Variants in PLEKHA5 observed in about 807,000 individuals in gnomAD.
The protein encoded by PLEKHA5 is pleckstrin homology domain containing A5, also known as pleckstrin homology domain-containing family A member 5.
PLEKHA5 carries 55 observed loss-of-function variants against 181.9 expected under a neutral mutation model. The observed-to-expected ratio is 0.30, with a 90% confidence interval of 0.24 to 0.38. The LOEUF (loss-of-function observed/expected upper bound fraction) is 0.38, where lower values mean the gene tolerates loss of function less well. Ranked by LOEUF, PLEKHA5 falls within the 10% of genes least tolerant of loss-of-function variation. The pLI, the probability that PLEKHA5 is intolerant of heterozygous loss-of-function variation, is 1.00. For missense variants in PLEKHA5, 1,432 were observed against 1,549.5 expected (o/e 0.92, Z 1.27); for synonymous variants, 535 against 529.4 (o/e 1.01, Z -0.15).
chr12:19,154,544 G>A (rs536074537), intron 3 of PLEKHA5: 87 of 152,184 alleles, frequency 5.7e-4, no homozygotes, highest in African/African-American at 1.9e-3. Context: ...GAAATTATTC[G>A]GGAAAATGCC....
Position 19,257,420 on chromosome 12 carries a change from T to C in PLEKHA5, c.433-13T>C. On this transcript the variant is annotated splice_polypyrimidine_tract_variant and intron_variant, in intron 5 of 31. Coordinates refer to ENST00000429027, the MANE Select transcript of PLEKHA5 (RefSeq NM_001256470.2). ...TAATACCACATTTTCTGTCATGCTC[T>C]TTTTCTATTTAGACTTCACGAGCTT... The C allele has an allele frequency of 7.4e-7, 1 of 1,356,838 alleles. No individual in the cohort carries two copies. Among genetic ancestry groups the C allele is most frequent in the Non-Finnish European group, 1.0e-6 (1 of 959,934 alleles). The allele number at this position is 1,356,838 out of a possible 1,614,324, so 84.0% of individuals were successfully genotyped here.
intron 25 of PLEKHA5, among the ~76,000 whole-genome samples, chr12:19,349,088 T>C (rs1476017055): frequency 2.0e-4 from 15 of 75,018 alleles, no homozygotes; most frequent in Non-Finnish European, 4.6e-4. Context: ...TGGTGGTTGT[T>C]TTTGTTGTTG....
At chr12:19,370,993 T>C (rs981662632) in intron 31 of PLEKHA5, 1 of 151,004 alleles carries the variant, frequency 6.6e-6, no homozygotes, top group African/African-American at 2.4e-5. Flanking sequence ...AATATTTCTT[T>C]TATTTTCTCT....
chr12:19,309,118 A>AT (rs1333224431), intron 15 of PLEKHA5, among the ~76,000 whole-genome samples: 1 of 152,068 alleles, frequency 6.6e-6, no homozygotes, highest in Middle Eastern at 3.2e-3. Flanking sequence ...TTGTAGCAAA[A>AT]TTTTTGTGAT....
At chr12:19,306,890 G>C in intron 15 of PLEKHA5, 2 of 807,126 alleles carry the variant, frequency 2.5e-6, no homozygotes, top group Non-Finnish European at 2.1e-6. Context: ...TAAGGCTAAG[G>C]CTTGTCTCTG....
At chr12:19,373,380 CAAA>C (rs1315513654) in intron 31 of PLEKHA5, 4 of 114,550 alleles carry the variant, frequency 3.5e-5, no homozygotes, top group Non-Finnish European at 7.3e-5. Context: ...GACTTTGTCT[CAAA>C]AAAAAAAAAA....
intron 3 of PLEKHA5, among the ~76,000 whole-genome samples, chr12:19,233,671 A>T (rs1031010190): frequency 6.6e-6 from 1 of 152,214 alleles, no homozygotes; most frequent in Non-Finnish European, 1.5e-5. Flanking sequence ...GTAAAGTAAC[A>T]TAAGGGCTGA....
chr12:19,285,074 A>G (rs891514384), intron 12 of PLEKHA5, among the ~76,000 whole-genome samples: 4 of 152,220 alleles, frequency 2.6e-5, no homozygotes, highest in Non-Finnish European at 5.9e-5. Flanking sequence ...GTTAAGATTA[A>G]TAGATTAATC....
intron 23 of PLEKHA5, 21 bp from the exon 24 acceptor site, chr12:19,346,973 T>G (rs1294275985): frequency 1.3e-6 from 2 of 1,500,380 alleles, no homozygotes; most frequent in South Asian, 2.5e-5. Context: ...CTAAATAAGG[T>G]GACTGTTCTA....
At chr12:19,144,490 TC>T (rs113838544) in intron 3 of PLEKHA5, among the ~76,000 whole-genome samples, 19,530 of 152,142 alleles carry the variant, frequency 0.13, 1,991 homozygotes, top group African/African-American at 0.28. Flanking sequence ...TTATAAAACT[TC>T]TGCTTATATC....
chr12:19,163,874 T>C (rs2043598105), intron 3 of PLEKHA5, among the ~76,000 whole-genome samples: 1 of 152,104 alleles, frequency 6.6e-6, no homozygotes, highest in South Asian at 2.1e-4. Flanking sequence ...TAGAGAAAAG[T>C]TGGCTGACAA....
rs117237153 is a variant in PLEKHA5, at chr12:19,358,641, T to C, written c.3348+204T>C. On this transcript the variant is annotated intron_variant, in intron 27 of 31. Coordinates refer to ENST00000429027, the MANE Select transcript of PLEKHA5 (RefSeq NM_001256470.2). ...CAAGAGACCAGAGCTAAACTACATG[T>C]TGGATGCCCGTGGACTAGTTGTGGA... Among the ~76,000 whole-genome samples, 317 of 152,284 alleles carry C rather than the reference T, an allele frequency of 2.1e-3. 8 individuals carry two copies. The East Asian group carries it at 0.051, about 25-fold the overall frequency.
intron 3 of PLEKHA5, among the ~76,000 whole-genome samples, chr12:19,221,724 G>A (rs1222410491): frequency 6.6e-6 from 1 of 151,868 alleles, no homozygotes; most frequent in Non-Finnish European, 1.5e-5. Context: ...ACGGCATGGG[G>A]CAAAAAAGGT....
At chr12:19,257,558 T>C (rs747401209) in intron 6 of PLEKHA5, 21 bp downstream of exon 6, 2 of 1,205,974 alleles carry the variant, frequency 1.7e-6, no homozygotes, top group South Asian at 2.6e-5. Flanking sequence ...TTTTTTGATA[T>C]GAAACAAAAG....
chr12:19,332,554 G>A (rs2092951255), intron 20 of PLEKHA5, among the ~76,000 whole-genome samples: 1 of 152,082 alleles, frequency 6.6e-6, no homozygotes, highest in Non-Finnish European at 1.5e-5. Context: ...CACAGGTGCA[G>A]TCATAGCACA....
chr12:19,297,436 C>T (rs1487933905), intron 15 of PLEKHA5, among the ~76,000 whole-genome samples: 1 of 150,602 alleles, frequency 6.6e-6, no homozygotes, highest in African/African-American at 2.4e-5. Context: ...TCCTGGCTAA[C>T]AAGGTGAAAC....
At position 19,291,396 on chromosome 12, in the gene PLEKHA5, G is replaced by C. The variant is rs910984890; in HGVS notation, c.1984-248G>C. Among the ~76,000 whole-genome samples the C allele has an allele frequency of 3.9e-5, 6 of 152,032 alleles. 1 individual carries two copies. The highest frequency in any genetic ancestry group is 1.3e-4 in the Admixed American group (2 of 15,274). On this transcript the variant is annotated intron_variant, in intron 14 of 31. Transcript: ENST00000429027. ...GTCAGTTTGCTAAAGCTATTTTAAGGAATTTTTCTGCTTAATAGTTCATTG... is the reference window on the plus strand; with the variant it reads ...GTCAGTTTGCTAAAGCTATTTTAAGCAATTTTTCTGCTTAATAGTTCATTG...
intron 3 of PLEKHA5, among the ~76,000 whole-genome samples, chr12:19,174,515 C>G (rs2046727415): frequency 3.3e-5 from 5 of 151,726 alleles, no homozygotes; most frequent in Admixed American, 3.3e-4. Flanking sequence ...TCATTTTGTC[C>G]TATAGGTGTT....
chr12:19,263,152 G>T (rs2069055710), intron 7 of PLEKHA5, among the ~76,000 whole-genome samples: 1 of 151,672 alleles, frequency 6.6e-6, no homozygotes, highest in African/African-American at 2.4e-5. Context: ...TTAGATTTCA[G>T]TGAGATCATA....
Sources: gnomAD v4.1 joint callset for allele counts (sites outside exome capture counted in the v4.1 genomes callset) on GRCh38, gnomAD v4.1.1 for gene constraint, MANE v1.5 for transcripts, NCBI Gene and HGNC (gene_info 2026-07-23, HGNC 2026-07-21) for gene names.